HDAC9: variants seen among roughly 807,000 people sequenced by gnomAD.
The protein encoded by HDAC9 is MEF-2 interacting transcription repressor (MITR) protein.
In HDAC9, 41 loss-of-function variants were observed where a neutral mutation model predicts 139.4. The observed-to-expected ratio is 0.29, with a 90% CI of 0.23 to 0.38. The LOEUF is 0.38. HDAC9 is among the 10% of genes least tolerant of loss of function. The pLI is 1.00. For missense variants in HDAC9, 1,147 were observed against 1,297.0 expected (o/e 0.88, Z 1.78); for synonymous variants, 517 against 476.2 (o/e 1.09, Z -1.12).
intron 6 of HDAC9, among the ~76,000 whole-genome samples, chr7:18,601,018 A>T (rs1833801316): frequency 6.6e-6 from 1 of 152,010 alleles, no homozygotes; most frequent in African/African-American, 2.4e-5. Flanking sequence ...TGACCAAGTT[A>T]CTTACTGGGA....
intron 24 of HDAC9, among the ~76,000 whole-genome samples, chr7:18,971,538 T>C (rs1468700732): frequency 1.3e-5 from 2 of 152,256 alleles, no homozygotes; most frequent in Non-Finnish European, 2.9e-5. Flanking sequence ...GAAAAGACCC[T>C]ACACATCACA....
rs563018305 is a variant in HDAC9, at chr7:18,535,203, T to C, written c.22+38879T>C. ...CTTTTTTTGCTGTAGGTTTATAGCA[T>C]TTTAATTCTTTTACTGTCATTTTAT... On this transcript the variant is annotated intron_variant, in intron 2 of 25. Coordinates refer to ENST00000686413, the MANE Select transcript of HDAC9 (RefSeq NM_178425.4). 2.6e-5 allele frequency among the ~76,000 whole-genome samples: 4 copies of C among 152,318 alleles called. No individual in the cohort carries two copies. The South Asian group carries it at 8.3e-4, about 32-fold the overall frequency.
At chr7:18,480,813 A>G (rs1254756701) in intron 1 of HDAC9, among the ~76,000 whole-genome samples, 1 of 152,204 alleles carries the variant, frequency 6.6e-6, no homozygotes, top group Non-Finnish European at 1.5e-5. Flanking sequence ...ACTTTTAGTA[A>G]TAAATGGGAA....
chr7:18,974,219 A>G (rs1316957112), intron 24 of HDAC9, among the ~76,000 whole-genome samples: 1 of 152,218 alleles, frequency 6.6e-6, no homozygotes, highest in Non-Finnish European at 1.5e-5. Flanking sequence ...AAAGGCAATC[A>G]AGACATCAGG....
intron 12 of HDAC9, among the ~76,000 whole-genome samples, chr7:18,690,835 A>G (rs1025904913): frequency 1.3e-5 from 2 of 152,034 alleles, no homozygotes; most frequent in Non-Finnish European, 2.9e-5. Flanking sequence ...ATTAAAAGAT[A>G]TATTAGATTT....
chr7:18,371,051 G>C (rs1355606556), intron 1 of HDAC9, among the ~76,000 whole-genome samples: 1 of 152,092 alleles, frequency 6.6e-6, no homozygotes, highest in Non-Finnish European at 1.5e-5. Context: ...CCTTTGTTCT[G>C]CACTTTGATC....
chr7:18,445,894 CT>C (rs2128098019), intron 1 of HDAC9, among the ~76,000 whole-genome samples: 1 of 152,280 alleles, frequency 6.6e-6, no homozygotes, highest in Non-Finnish European at 1.5e-5. Flanking sequence ...TCTATTTAAC[CT>C]TTTGAACAAA....
At chr7:18,250,328 A>G (rs151084319) in intron 2 of HDAC9, among the ~76,000 whole-genome samples, 4 of 152,316 alleles carry the variant, frequency 2.6e-5, no homozygotes, top group African/African-American at 9.6e-5. Flanking sequence ...AACCAGAAAC[A>G]TATGTTGCAT....
At chr7:18,167,403 T>C (rs17138717) in intron 2 of HDAC9, among the ~76,000 whole-genome samples, 18,891 of 152,202 alleles carry the variant, frequency 0.12, 2,011 homozygotes, top group African/African-American at 0.3. Context: ...GTTTTGAACA[T>C]TTATTTGTTT....
chr7:18,441,510 A>G (rs1053155211), intron 1 of HDAC9, among the ~76,000 whole-genome samples: 7 of 152,220 alleles, frequency 4.6e-5, no homozygotes, highest in Admixed American at 3.3e-4. Context: ...ATAGTGGTAC[A>G]ACACTTGCTT....
chr7:18,197,997 C>G (rs766239382), intron 2 of HDAC9, among the ~76,000 whole-genome samples: 4 of 152,066 alleles, frequency 2.6e-5, no homozygotes, highest in Non-Finnish European at 4.4e-5. Flanking sequence ...CCTTACAACT[C>G]AAAAGTTATG....
At chr7:18,463,103 C>T (rs990659346) in intron 1 of HDAC9, among the ~76,000 whole-genome samples, 29 of 151,958 alleles carry the variant, frequency 1.9e-4, no homozygotes, top group African/African-American at 6.5e-4. Context: ...TTGAAGAGTC[C>T]TATAACTGAA....
intron 1 of HDAC9, among the ~76,000 whole-genome samples, chr7:18,088,672 A>C (rs1781951105): frequency 6.6e-6 from 1 of 152,136 alleles, no homozygotes; most frequent in Admixed American, 6.5e-5. Context: ...TTATTATGGA[A>C]ATTATTGTGA....
At chr7:18,725,343 T>G (rs1479740975) in intron 12 of HDAC9, among the ~76,000 whole-genome samples, 1 of 152,192 alleles carries the variant, frequency 6.6e-6, no homozygotes, top group Non-Finnish European at 1.5e-5. Flanking sequence ...CGGAATGATA[T>G]CTGATATTCA....
intron 1 of HDAC9, among the ~76,000 whole-genome samples, chr7:18,096,501 T>C (rs774398526): frequency 9.9e-5 from 15 of 152,024 alleles, no homozygotes; most frequent in Non-Finnish European, 2.1e-4. Flanking sequence ...AATCCCAAAA[T>C]GGAAAAAAAA....
intron 21 of HDAC9, among the ~76,000 whole-genome samples, chr7:18,874,248 T>TC (rs1799151082): frequency 6.6e-6 from 1 of 151,484 alleles, no homozygotes; most frequent in East Asian, 1.9e-4. Context: ...TTTTTTTTTT[T>TC]CCATTTGGAG....
chr7:18,667,923 G>T, intron 12 of HDAC9: 2 of 981,488 alleles, frequency 2.0e-6, no homozygotes, highest in Non-Finnish European at 2.4e-6. Context: ...CTTTAATATG[G>T]ATAATCCAAA....
intron 2 of HDAC9, among the ~76,000 whole-genome samples, chr7:18,521,230 A>T (rs1804927939): frequency 6.6e-6 from 1 of 152,134 alleles, no homozygotes; most frequent in Non-Finnish European, 1.5e-5. Flanking sequence ...TCATTCTTGG[A>T]TGTCTTGCTT....
intron 1 of HDAC9, among the ~76,000 whole-genome samples, chr7:18,391,546 A>T (rs910924510): frequency 2.0e-5 from 3 of 152,334 alleles, no homozygotes; most frequent in Non-Finnish European, 2.9e-5. Context: ...AGCCTTCACC[A>T]ATTGGCCAGC....
Sources: allele counts gnomAD v4.1 joint callset (sites outside exome capture counted in the v4.1 genomes callset), GRCh38; gene constraint gnomAD v4.1.1; transcripts MANE v1.5; gene names NCBI Gene and HGNC (gene_info 2026-07-23, HGNC 2026-07-21).